Variants in PPP1R1C observed in about 807,000 individuals in gnomAD.
The protein encoded by PPP1R1C is protein phosphatase 1 regulatory subunit 1C.
Under a neutral mutation model 17.4 loss-of-function variants are expected in PPP1R1C, and 15 were observed. The ratio of observed to expected loss-of-function variants is 0.86; its 90% CI spans 0.58 to 1.33. The LOEUF is 1.33. Among genes scored for constraint, PPP1R1C ranks in the 40% most tolerant of loss-of-function variants. The pLI is 0.00. For missense variants in PPP1R1C, 143 were observed against 130.0 expected (o/e 1.10, Z -0.48); for synonymous variants, 35 against 43.1 (o/e 0.81, Z 0.73).
chr2:182,107,821 C>T (rs1399563683), intron 4 of PPP1R1C, among the ~76,000 whole-genome samples: 2 of 152,032 alleles, frequency 1.3e-5, no homozygotes, highest in African/African-American at 4.8e-5. Flanking sequence ...GAGAAGAGAA[C>T]TTTTGGACTC....
intron 2 of PPP1R1C, among the ~76,000 whole-genome samples, chr2:182,031,952 C>T (rs566543367): frequency 2.0e-5 from 3 of 152,268 alleles, no homozygotes; most frequent in Admixed American, 6.5e-5. Context: ...ATCTTAAACT[C>T]GGGAGATTGT....
chr2:181,965,793 G>A (rs1313741974), intron 1 of PPP1R1C, among the ~76,000 whole-genome samples: 1 of 152,010 alleles, frequency 6.6e-6, no homozygotes, highest in Non-Finnish European at 1.5e-5. Flanking sequence ...CTGGATCTTT[G>A]GTGGTTCCAT....
intron 2 of PPP1R1C, among the ~76,000 whole-genome samples, chr2:181,989,759 A>C (rs1207873650): frequency 6.6e-6 from 1 of 152,128 alleles, no homozygotes; most frequent in Non-Finnish European, 1.5e-5. Flanking sequence ...GACAAATTAG[A>C]TGCAAATAGC....
chr2:182,032,330 G>C (rs1229711779), intron 2 of PPP1R1C, among the ~76,000 whole-genome samples: 1 of 152,084 alleles, frequency 6.6e-6, no homozygotes, highest in East Asian at 1.9e-4. Context: ...TTCTCAATGA[G>C]ACCTACCCTG....
intron 2 of PPP1R1C, among the ~76,000 whole-genome samples, chr2:182,059,747 AC>A (rs1687796128): frequency 6.6e-6 from 1 of 152,014 alleles, no homozygotes; most frequent in Non-Finnish European, 1.5e-5. Context: ...AACAAAACAA[AC>A]CTTTTTTCAT....
chr2:181,973,924 C>T lies in PPP1R1C; in HGVS notation n.112-1295C>T, dbSNP rs1232367693. 8.5e-5 allele frequency among the ~76,000 whole-genome samples: 13 copies of T among 152,140 alleles called. No homozygotes were observed. In the East Asian group the frequency reaches 2.5e-3, roughly 29 times the overall value. ...AGGTTGTCTAATCAATTACTGTTAG[C>T]ACCAACTTTTTATTTCTGGGGATTG... On this transcript the variant is annotated intron_variant and non_coding_transcript_variant, in intron 1 of 5. Coordinates refer to the PPP1R1C transcript ENST00000464264.
chr2:182,069,976 G>T (rs1340728201), intron 4 of PPP1R1C, among the ~76,000 whole-genome samples: 1 of 152,210 alleles, frequency 6.6e-6, no homozygotes, highest in Non-Finnish European at 1.5e-5. Context: ...CATTAAAGTG[G>T]GGTGGATGCA....
chr2:182,021,907 C>G (rs1686439956), intron 2 of PPP1R1C, among the ~76,000 whole-genome samples: 1 of 152,170 alleles, frequency 6.6e-6, no homozygotes, highest in Non-Finnish European at 1.5e-5. Context: ...TTGCTTGATA[C>G]TTATCTGTGA....
chr2:182,130,696 C>G (rs1449742364), downstream of PPP1R1C: 1 of 152,124 alleles, frequency 6.6e-6, no homozygotes, highest in Non-Finnish European at 1.5e-5. Flanking sequence ...GATGTGTTTT[C>G]CTAAGCAGAC....
At chr2:182,084,336 T>C (rs1294626105) in intron 4 of PPP1R1C, among the ~76,000 whole-genome samples, 6 of 91,400 alleles carry the variant, frequency 6.6e-5, no homozygotes, top group Non-Finnish European at 1.5e-4. Context: ...TCATAAATTC[T>C]TTGCCTAGCC....
chr2:181,970,097 T>A (rs1321854362), intron 1 of PPP1R1C, among the ~76,000 whole-genome samples: 2 of 152,176 alleles, frequency 1.3e-5, no homozygotes, highest in African/African-American at 4.8e-5. Flanking sequence ...TATCTCTCTG[T>A]CTCCAGGATT....
chr2:182,064,203 CTCA>C (rs1687924422), intron 4 of PPP1R1C: 1 of 190,038 alleles, frequency 5.3e-6, no homozygotes, highest in Non-Finnish European at 1.1e-5. Context: ...GAAGTGTTGC[CTCA>C]TTGTATTGTG....
intron 3 of PPP1R1C, among the ~76,000 whole-genome samples, chr2:182,063,019 T>G (rs1307642277): frequency 6.6e-6 from 1 of 152,068 alleles, no homozygotes; most frequent in African/African-American, 2.4e-5. Flanking sequence ...ATGAATAATA[T>G]GTATATCCAT....
At chr2:182,022,900 A>G in intron 2 of PPP1R1C, among the ~76,000 whole-genome samples, 1 of 152,202 alleles carries the variant, frequency 6.6e-6, no homozygotes, top group East Asian at 1.9e-4. Context: ...TTCCCCACTC[A>G]TCCTTAGACA....
At chr2:182,109,160 A>G (rs531888422) in intron 4 of PPP1R1C, among the ~76,000 whole-genome samples, 1 of 152,272 alleles carries the variant, frequency 6.6e-6, no homozygotes, top group Admixed American at 6.5e-5. Context: ...TTGGCTGTTC[A>G]GACCTTTTTT....
intron 2 of PPP1R1C, among the ~76,000 whole-genome samples, chr2:182,053,757 TTTTATTTA>T (rs200477341): frequency 0.043 from 6,471 of 151,292 alleles, 426 homozygotes; most frequent in Admixed American, 0.18. Context: ...TTTTGCAGAT[TTTTATTTA>T]TTTATTTATT....
At chr2:182,097,015 T>C (rs1688960717) in intron 4 of PPP1R1C, among the ~76,000 whole-genome samples, 2 of 152,250 alleles carry the variant, frequency 1.3e-5, no homozygotes, top group Non-Finnish European at 2.9e-5. Context: ...GGTTGCAGTC[T>C]GAAGAACATA....
chr2:182,001,953 A>C (rs1685777478), intron 2 of PPP1R1C, among the ~76,000 whole-genome samples: 1 of 152,140 alleles, frequency 6.6e-6, no homozygotes, highest in Non-Finnish European at 1.5e-5. Flanking sequence ...GTATAGCTTC[A>C]CATTACAACA....
chr2:182,077,102 A>G (rs1688336572), intron 4 of PPP1R1C, among the ~76,000 whole-genome samples: 2 of 152,238 alleles, frequency 1.3e-5, no homozygotes, highest in Non-Finnish European at 2.9e-5. Flanking sequence ...TTAGAAAATT[A>G]CTACGTGAAT....
Sources: allele counts gnomAD v4.1 joint callset (sites outside exome capture counted in the v4.1 genomes callset), GRCh38; gene constraint gnomAD v4.1.1; transcripts MANE v1.5; gene names NCBI Gene and HGNC (gene_info 2026-07-23, HGNC 2026-07-21).